PTPRG: variants seen among roughly 807,000 people sequenced by gnomAD.
The protein encoded by PTPRG is protein tyrosine phosphatase receptor type G, also known as receptor-type tyrosine-protein phosphatase gamma.
PTPRG carries 102 observed loss-of-function variants against 165.3 expected under a neutral mutation model. That is an observed-to-expected ratio of 0.62 (90% CI 0.53 to 0.73). The LOEUF is 0.73. Ranked by LOEUF, PTPRG falls within the 30% of genes least tolerant of loss-of-function variation. PTPRG has a pLI of 0.00. For synonymous variants in PTPRG, 675 were observed against 669.5 expected (o/e 1.01, Z -0.13); for missense variants, 1,866 against 1,861.4 (o/e 1.00, Z -0.05).
At chr3:61,593,783 GT>G (rs1700631725) in intron 1 of PTPRG, among the ~76,000 whole-genome samples, 1 of 151,476 alleles carries the variant, frequency 6.6e-6, no homozygotes, top group Non-Finnish European at 1.5e-5. Context: ...GTTCTTTAAA[GT>G]GCTTGAAAAG....
intron 2 of PTPRG, among the ~76,000 whole-genome samples, chr3:61,797,699 T>C (rs2035096049): frequency 6.6e-6 from 1 of 151,588 alleles, no homozygotes; most frequent in Non-Finnish European, 1.5e-5. Context: ...ATGAGAGCTC[T>C]GTGCTTGAGT....
At chr3:61,785,851 C>T (rs1317305080) in intron 2 of PTPRG, among the ~76,000 whole-genome samples, 1 of 152,148 alleles carries the variant, frequency 6.6e-6, no homozygotes, top group Non-Finnish European at 1.5e-5. Flanking sequence ...GCCTTACACA[C>T]ATGCCTCCAA....
intron 4 of PTPRG, among the ~76,000 whole-genome samples, chr3:62,033,798 C>T (rs560953526): frequency 6.6e-6 from 1 of 152,282 alleles, no homozygotes; most frequent in Admixed American, 6.5e-5. Flanking sequence ...GACGGAGTCT[C>T]ACTCTGTCCT....
intron 4 of PTPRG, among the ~76,000 whole-genome samples, chr3:62,043,898 A>G (rs1336382911): frequency 6.6e-6 from 1 of 152,232 alleles, no homozygotes; most frequent in Non-Finnish European, 1.5e-5. Flanking sequence ...AGGACAGCTT[A>G]TCAATATCAT....
chr3:61,657,937 C>T (rs1702552989), intron 1 of PTPRG, among the ~76,000 whole-genome samples: 1 of 152,136 alleles, frequency 6.6e-6, no homozygotes, highest in South Asian at 2.1e-4. Flanking sequence ...CAGTGTGACC[C>T]TGGTTGTGCT....
At position 62,245,042 on chromosome 3, in the gene PTPRG, T is replaced by TC. The variant is rs2106955496; in HGVS notation, c.2467+1146dup. ...AAGTCATTAGATATTACTGGGATTG[T>TC]CCATGTTTTGTACATTCTAGTCAGC... On this transcript the variant is annotated intron_variant, in intron 15 of 29. Coordinates refer to ENST00000474889, the MANE Select transcript of PTPRG (RefSeq NM_002841.4). The surrounding 1 kb of genome is among the most constrained non-coding windows in gnomAD (Gnocchi z 4.2). Among the ~76,000 whole-genome samples, 1 of 152,290 alleles carries TC rather than the reference T, an allele frequency of 6.6e-6. No homozygotes were observed. The highest frequency in any genetic ancestry group is 1.9e-4 in the East Asian group (1 of 5,170).
Position 61,622,863 on chromosome 3 carries a change from C to G in PTPRG, c.85+60491C>G, listed in dbSNP as rs187510652. On this transcript the variant is annotated intron_variant, in intron 1 of 29. Transcript: ENST00000474889. ...AAGTGCCATAGTCACTTCTTTTTTT[C>G]CCAAATTGTCTTTAAGAAGGTACAT... Among the ~76,000 whole-genome samples, 6 of 152,040 alleles carry G rather than the reference C, an allele frequency of 3.9e-5. No individual in the cohort carries two copies. The East Asian group carries it at 1.2e-3, about 29-fold the overall frequency.
At chr3:61,691,969 G>C (rs141530172) in intron 1 of PTPRG, among the ~76,000 whole-genome samples, 1 of 152,122 alleles carries the variant, frequency 6.6e-6, no homozygotes, top group Non-Finnish European at 1.5e-5. Context: ...ATACATTTTC[G>C]GTTGCAGAGA....
chr3:62,153,557 T>C (rs1324229135), intron 6 of PTPRG, among the ~76,000 whole-genome samples: 2 of 151,514 alleles, frequency 1.3e-5, no homozygotes, highest in East Asian at 3.9e-4. Flanking sequence ...AGTAATCCAG[T>C]TAAAAAAAAA....
intron 1 of PTPRG, among the ~76,000 whole-genome samples, chr3:61,735,191 A>C (rs2032671122): frequency 6.6e-6 from 1 of 152,226 alleles, no homozygotes; most frequent in Admixed American, 6.5e-5. Flanking sequence ...AGCCATCTTG[A>C]TGTGCTCTAG....
At chr3:61,937,355 C>T (rs748388555) in intron 2 of PTPRG, among the ~76,000 whole-genome samples, 1 of 152,148 alleles carries the variant, frequency 6.6e-6, no homozygotes, top group Non-Finnish European at 1.5e-5. Context: ...TTTTGAATCC[C>T]GTGGTAGCTT....
At chr3:62,264,338 A>T (rs1336195580) in intron 17 of PTPRG, among the ~76,000 whole-genome samples, 2 of 152,020 alleles carry the variant, frequency 1.3e-5, no homozygotes, top group Non-Finnish European at 2.9e-5. Context: ...TTCCTAGGGT[A>T]TACAACTCTG....
At chr3:62,244,383 G>A (rs1020873651) in intron 15 of PTPRG, among the ~76,000 whole-genome samples, 2 of 152,184 alleles carry the variant, frequency 1.3e-5, no homozygotes, top group African/African-American at 2.4e-5. Context: ...GAATAATGGA[G>A]TGCACACTGT....
chr3:61,578,062 C>T (rs967623715), intron 1 of PTPRG, among the ~76,000 whole-genome samples: 1 of 152,136 alleles, frequency 6.6e-6, no homozygotes, highest in African/African-American at 2.4e-5. Flanking sequence ...AAAATAAAAG[C>T]CGTTGTTATT....
At chr3:61,830,748 G>A (rs1021100006) in intron 2 of PTPRG, among the ~76,000 whole-genome samples, 2 of 151,726 alleles carry the variant, frequency 1.3e-5, no homozygotes, top group Admixed American at 6.6e-5. Flanking sequence ...CTAATTTTGC[G>A]TTTTTAGTAG....
intron 6 of PTPRG, among the ~76,000 whole-genome samples, chr3:62,140,851 C>CAAAAAAAAAA (rs58630476): frequency 5.6e-5 from 4 of 71,192 alleles, no homozygotes; most frequent in African/African-American, 1.6e-4. Context: ...GACTCGGTCT[C>CAAAAAAAAAA]AAAAAAAAAA....
At chr3:62,141,608 GA>G (rs1410403402) in intron 6 of PTPRG, among the ~76,000 whole-genome samples, 1 of 151,704 alleles carries the variant, frequency 6.6e-6, no homozygotes. Flanking sequence ...TAACAAAAAA[GA>G]AGACATGTGG....
chr3:62,276,005 T>G (rs773777931), intron 24 of PTPRG, 39 bp downstream of exon 24: 2 of 1,457,164 alleles, frequency 1.4e-6, no homozygotes, highest in Non-Finnish European at 1.9e-6. Flanking sequence ...TCTTTTATAC[T>G]GGATTGTATG....
intron 2 of PTPRG, among the ~76,000 whole-genome samples, chr3:61,938,235 C>CT (rs59553874): frequency 0.32 from 42,914 of 135,148 alleles, 6,668 homozygotes; most frequent in East Asian, 0.51. Context: ...TTTCTTTTTC[C>CT]TTTTTTTTTT....
Sources: gnomAD v4.1 joint callset for allele counts (sites outside exome capture counted in the v4.1 genomes callset) on GRCh38, gnomAD v4.1.1 for gene constraint, Gnocchi (gnomAD v3.1) non-coding constraint, MANE v1.5 for transcripts, NCBI Gene and HGNC (gene_info 2026-07-23, HGNC 2026-07-21) for gene names.